The following POLN variants were observed in gnomAD, a reference collection of about 807,000 sequenced individuals.
POLN encodes DNA polymerase N.
A neutral mutation model predicts 113.5 loss-of-function variants in POLN; 108 were observed. That is an observed-to-expected ratio of 0.95 (90% confidence interval 0.81 to 1.12). The LOEUF is 1.12. POLN is among the 50% of genes most tolerant of loss of function. The pLI, the probability that POLN is intolerant of heterozygous loss-of-function variation, is 0.00. For missense variants in POLN, 1,097 were observed against 1,077.1 expected, an observed-to-expected ratio of 1.02 and a Z score of -0.26; for synonymous variants, 386 against 391.5, an observed-to-expected ratio of 0.99 and a Z score of 0.17.
At position 2,208,378 on chromosome 4, in the gene POLN, C is replaced by T; in HGVS notation, c.323G>A (p.Ser108Asn). The T allele has an allele frequency of 6.2e-7, 1 of 1,613,520 alleles. No homozygotes were observed. The highest frequency in any genetic ancestry group is 8.5e-7 in the Non-Finnish European group (1 of 1,179,944). Residue 108 changes from serine to asparagine, a missense_variant, in exon 5 of 26, where the codon AGC becomes AAC. Coordinates refer to ENST00000511885, the MANE Select transcript of POLN (RefSeq NM_181808.4). Reference sequence around the variant, plus strand: ...ACTTGAAAGAGTCAATGAGCTGATGCTCTTCTGTTTTTGGTCAGCAGACAG... The same window carrying T: ...ACTTGAAAGAGTCAATGAGCTGATGTTCTTCTGTTTTTGGTCAGCAGACAG... Reference protein sequence around the residue: ...DQLSADQKQKSISSLTLSSCL... With the variant: ...DQLSADQKQKNISSLTLSSCL...
chr4:2,096,517 C>T (rs1730794412), intron 19 of POLN, among the ~76,000 whole-genome samples: 1 of 152,146 alleles, frequency 6.6e-6, no homozygotes, highest in African/African-American at 2.4e-5. Context: ...CTCCAGAGCA[C>T]TCCCAGCACC....
chr4:2,141,263 A>G (rs1731994264), intron 16 of POLN, among the ~76,000 whole-genome samples: 1 of 152,088 alleles, frequency 6.6e-6, no homozygotes, highest in Non-Finnish European at 1.5e-5. Flanking sequence ...TGGTATTTTA[A>G]CCTCCAGTTT....
intron 2 of POLN, chr4:2,230,758 T>C (rs564665081): frequency 1.3e-5 from 2 of 152,074 alleles, no homozygotes; most frequent in Admixed American, 1.3e-4. Context: ...CTTAAAGGTA[T>C]TCCTACAAAG....
intron 3 of POLN, among the ~76,000 whole-genome samples, chr4:2,218,050 G>A (rs570452281): frequency 3.9e-5 from 6 of 152,262 alleles, no homozygotes; most frequent in Non-Finnish European, 5.9e-5. Flanking sequence ...AGCTACTCGG[G>A]AGACTGAAGC....
chr4:2,147,670 T>C (rs1405055954), intron 16 of POLN, among the ~76,000 whole-genome samples: 3 of 148,558 alleles, frequency 2.0e-5, no homozygotes, highest in Non-Finnish European at 4.5e-5. Context: ...GAGACAAAGT[T>C]TCACTCTTGT....
rs150600016 is a variant in POLN at position 2,165,261 on chromosome 4, A to G, written c.1554+5418T>C. Among the ~76,000 whole-genome samples, 8 of 152,360 alleles carry G rather than the reference A, an allele frequency of 5.3e-5. No homozygotes were observed. The East Asian group carries it at 1.5e-3, about 29-fold the overall frequency. On this transcript the variant is annotated intron_variant, in intron 13 of 25. Coordinates refer to ENST00000511885, the MANE Select transcript of POLN (RefSeq NM_181808.4). ...ATTCACTGCTGAAAAGAAATGAACT[A>G]TCAGGCTGTGAAAAGACATGGAAGA...
chr4:2,101,831 C>T (rs1174714403), intron 19 of POLN, among the ~76,000 whole-genome samples: 1 of 152,188 alleles, frequency 6.6e-6, no homozygotes, highest in Non-Finnish European at 1.5e-5. Flanking sequence ...GTAGGCACTT[C>T]CCCTGGGAAC....
chr4:2,074,017 G>C (rs1209281487), intron 24 of POLN, among the ~76,000 whole-genome samples: 1 of 152,244 alleles, frequency 6.6e-6, no homozygotes, highest in African/African-American at 2.4e-5. Flanking sequence ...TGGGGGCGAG[G>C]CTGGAGAGCC....
In POLN at chr4:2,080,961, GC is replaced by G. The variant is rs764306141; in HGVS notation, c.2383del (p.Ala795ProfsTer50). ...TGGGAGACCACCACCCACTGACCTG[GC>G]CGTCAAGGTGTGGGAAGCAGCCACT... is the stretch of plus-strand genomic sequence containing the variant. ...TAVAASHTLT[A>X]RLVAQIHDEL... On this transcript the variant is annotated frameshift_variant, in exon 23 of 26. Coordinates refer to ENST00000511885, the MANE Select transcript of POLN (RefSeq NM_181808.4). LOFTEE classifies it high-confidence loss of function. The G allele has an allele frequency of 5.8e-5, 94 of 1,613,754 alleles. No homozygotes were observed. The highest frequency in any genetic ancestry group is 8.5e-6 in the Non-Finnish European group (10 of 1,179,966).
intron 3 of POLN, among the ~76,000 whole-genome samples, chr4:2,215,195 T>C (rs1734082867): frequency 6.6e-6 from 1 of 152,012 alleles, no homozygotes; most frequent in Non-Finnish European, 1.5e-5. Context: ...CATCATGAAA[T>C]ACATAGCCAC....
intron 19 of POLN, among the ~76,000 whole-genome samples, chr4:2,111,754 T>C (rs1169746079): frequency 6.6e-6 from 1 of 152,146 alleles, no homozygotes; most frequent in Middle Eastern, 3.2e-3. Context: ...TACAAACAAA[T>C]GGAAGAACAT....
intron 17 of POLN, among the ~76,000 whole-genome samples, chr4:2,130,444 G>C (rs1731698350): frequency 6.6e-6 from 1 of 152,198 alleles, no homozygotes; most frequent in Admixed American, 6.5e-5. Context: ...ACAGGGCATG[G>C]GCAGCAGAAC....
rs1331428644 is a variant in POLN, at chr4:2,093,351, AGAAGT to A, written c.2065+2495_2065+2499del. On this transcript the variant is annotated intron_variant, in intron 20 of 25. Coordinates refer to ENST00000511885, the MANE Select transcript of POLN (RefSeq NM_181808.4). The surrounding 1 kb of genome is among the most constrained non-coding windows in gnomAD (Gnocchi z 4.1). ...TTGGAGGCATTTACTGACATGGCAC[AGAAGT>A]GAAGTAGGACTCAGACGTAACGGCA... Among the ~76,000 whole-genome samples the A allele has an allele frequency of 6.6e-6, 1 of 152,264 alleles. No individual in the cohort carries two copies. The highest frequency in any genetic ancestry group is 1.5e-5 in the Non-Finnish European group (1 of 68,048).
rs1169407546 is a variant in POLN, at chr4:2,176,326, A to G, written c.1188T>C (p.Asn396=). 5.0e-6 allele frequency: 8 copies of G among 1,596,026 alleles called. No individual in the cohort carries two copies. The Admixed American group carries it at 1.4e-4, about 29-fold the overall frequency. Reference sequence around the variant, plus strand: ...AGAGTGTCTTCAGGTTCTCACGTACATTCTGATTCTTTAAAAGAGCAAAAG... The same window carrying G: ...AGAGTGTCTTCAGGTTCTCACGTACGTTCTGATTCTTTAAAAGAGCAAAAG... ...GNSSRNIVNQ[N]VRENLKTLYR... is the part of the protein sequence containing the mutation. The change falls in exon 9 of 26, where the codon AAT becomes AAC. Residue 396 remains asparagine (N), a synonymous_variant. Coordinates refer to ENST00000511885, the MANE Select transcript of POLN (RefSeq NM_181808.4).
intron 2 of POLN, chr4:2,241,090 C>G: frequency 1.6e-6 from 1 of 634,108 alleles, no homozygotes; most frequent in Non-Finnish European, 2.6e-6. Flanking sequence ...TATAATGATT[C>G]CTCCTAGGGG....
chr4:2,164,372 A>G (rs1382187350), intron 13 of POLN, among the ~76,000 whole-genome samples: 1 of 151,728 alleles, frequency 6.6e-6, no homozygotes, highest in Admixed American at 6.6e-5. Flanking sequence ...GTGGTGGTGC[A>G]TGCCTATTAT....
chr4:2,189,508 G>A lies in POLN; in HGVS notation c.1021+3696C>T, dbSNP rs775024373. The stretch of plus-strand genomic sequence containing the variant: ...CAAAAAATTAGCCAGGCATGGTGGC[G>A]GGCGCCTGTAGTCCCAGCTACTTGG... On this transcript the variant is annotated intron_variant, in intron 7 of 25. Coordinates refer to ENST00000511885, the MANE Select transcript of POLN (RefSeq NM_181808.4). 2.5e-3 allele frequency among the ~76,000 whole-genome samples: 384 copies of A among 151,000 alleles called. 5 individuals carry two copies. Among genetic ancestry groups the A allele is most frequent in the African/African-American group, 5.1e-4 (21 of 41,156 alleles).
At chr4:2,089,821 C>G in intron 20 of POLN, 3 of 847,846 alleles carry the variant, frequency 3.5e-6, no homozygotes, top group Non-Finnish European at 5.7e-6. Context: ...TGGATGAAGT[C>G]TCAACAAATC....
At chr4:2,161,600 C>T (rs1732592183) in intron 13 of POLN, among the ~76,000 whole-genome samples, 1 of 152,232 alleles carries the variant, frequency 6.6e-6, no homozygotes, top group African/African-American at 2.4e-5. Context: ...GAGCGCCGCC[C>T]CCTGCTCCAT....
Sources: allele counts gnomAD v4.1 joint callset (sites outside exome capture counted in the v4.1 genomes callset), GRCh38; gene constraint gnomAD v4.1.1; non-coding constraint Gnocchi (gnomAD v3.1); transcripts MANE v1.5; gene names NCBI Gene and HGNC (gene_info 2026-07-23, HGNC 2026-07-21).